The following CD55 variants were observed in gnomAD, a reference collection of about 807,000 sequenced individuals.
CD55 encodes complement decay-accelerating factor.
In CD55, 41 loss-of-function variants were observed where a neutral mutation model predicts 45.8. That is an observed-to-expected ratio of 0.90 (90% confidence interval 0.70 to 1.16). CD55 has a LOEUF of 1.16. CD55 is among the 50% of genes most tolerant of loss of function. The pLI, the probability that CD55 is intolerant of heterozygous loss-of-function variation, is 0.00. For missense variants in CD55, 416 were observed against 469.8 expected, an observed-to-expected ratio of 0.89 and a Z score of 1.06; for synonymous variants, 181 against 181.1, an observed-to-expected ratio of 1.00 and a Z score of 0.01.
chr1:207,327,767 A>G (rs1344416468), intron 5 of CD55, among the ~76,000 whole-genome samples: 1 of 152,178 alleles, frequency 6.6e-6, no homozygotes, highest in African/African-American at 2.4e-5. Context: ...TGTACGGTCA[A>G]CTGACACGAA....
At chr1:207,328,325 C>T (rs1277786604) in intron 5 of CD55, among the ~76,000 whole-genome samples, 1 of 152,180 alleles carries the variant, frequency 6.6e-6, no homozygotes, top group Non-Finnish European at 1.5e-5. Flanking sequence ...CCTATAAGGC[C>T]TTACTTCTTT....
At chr1:207,354,434 C>T (rs1376240191) in intron 9 of CD55, among the ~76,000 whole-genome samples, 1 of 152,178 alleles carries the variant, frequency 6.6e-6, no homozygotes, top group Non-Finnish European at 1.5e-5. Flanking sequence ...TGGCAAACTG[C>T]TTTGCAATGT....
chr1:207,347,361 G>A lies in CD55; in HGVS notation c.1081+7944G>A, dbSNP rs1030233472. On this transcript the variant is annotated intron_variant, in intron 9 of 9. Coordinates refer to ENST00000367064, the MANE Select transcript of CD55 (RefSeq NM_000574.5). Reference sequence around the variant, plus strand: ...TGCAAGCTCTGCCTCCCGGGTTCACGCCATTCTCCTGCCTCAGCCTCCCAA... The same window carrying A: ...TGCAAGCTCTGCCTCCCGGGTTCACACCATTCTCCTGCCTCAGCCTCCCAA... 66 of 369,482 alleles carry A rather than the reference G, an allele frequency of 1.8e-4. 2 individuals are homozygous for A. In the East Asian group the frequency reaches 2.7e-3, roughly 15 times the overall value. 22.9% of individuals were successfully genotyped at this position (369,482 alleles called of 1,614,324 possible).
chr1:207,322,403 A>T lies in CD55; in HGVS notation c.122A>T (p.Asp41Val), dbSNP rs1451157722. 2 of 1,614,074 alleles carry T rather than the reference A, an allele frequency of 1.2e-6. No individual in the cohort carries two copies. Among genetic ancestry groups the T allele is most frequent in the South Asian group, 2.2e-5 (2 of 91,074 alleles). The change falls in exon 2 of 10, where the codon GAT becomes GTT. Residue 41 changes from aspartate (D) to valine (V), a missense_variant. Asp to Val is a radical substitution (Grantham distance 152). Transcript: ENST00000367064. ...AVWGDCGLPP[D>V]VPNAQPALEG... ...CTAGGTGACTGTGGCCTTCCCCCAG[A>T]TGTACCTAATGCCCAGCCAGCTTTG...
At chr1:207,337,899 T>C (rs1297778802) in intron 8 of CD55, among the ~76,000 whole-genome samples, 2 of 152,146 alleles carry the variant, frequency 1.3e-5, no homozygotes, top group East Asian at 3.8e-4. Flanking sequence ...TCCTTTCAAA[T>C]AGTTCGTATT....
At chr1:207,346,178 T>C (rs1588143) in intron 9 of CD55, among the ~76,000 whole-genome samples, 1 of 152,092 alleles carries the variant, frequency 6.6e-6, no homozygotes, top group Non-Finnish European at 1.5e-5. Context: ...TGTGCCAGTG[T>C]TGGCTGTGGG....
chr1:207,340,423 T>C (rs2102414534), intron 9 of CD55: 1 of 583,824 alleles, frequency 1.7e-6, no homozygotes, highest in South Asian at 2.0e-5. Flanking sequence ...TGGTATGCGG[T>C]GGTGTGATCG....
At chr1:207,325,546 C>A in intron 3 of CD55, 76 bp from the exon 4 acceptor site, 1 of 780,560 alleles carries the variant, frequency 1.3e-6, no homozygotes, top group South Asian at 1.8e-5. Flanking sequence ...ACATATCTAC[C>A]ACCTCACATA....
chr1:207,342,396 C>T (rs190232355), intron 9 of CD55, among the ~76,000 whole-genome samples: 153 of 152,200 alleles, frequency 1.0e-3, no homozygotes, highest in Non-Finnish European at 1.8e-3. Flanking sequence ...AGAAGAAAGG[C>T]TTTCAGCTTT....
At chr1:207,350,900 G>A (rs1032230419) in intron 9 of CD55, among the ~76,000 whole-genome samples, 1 of 151,630 alleles carries the variant, frequency 6.6e-6, no homozygotes, top group Non-Finnish European at 1.5e-5. Flanking sequence ...CTTTTGGGTT[G>A]GTTTGCTCTT....
At chr1:207,336,873 C>T in intron 7 of CD55, 55 bp downstream of exon 7, 2 of 1,603,770 alleles carry the variant, frequency 1.2e-6, no homozygotes, top group Non-Finnish European at 1.7e-6. Flanking sequence ...GTTTCAGCTA[C>T]AAGAACCCCA....
At chr1:207,326,576 C>T (rs999666357) in intron 4 of CD55, among the ~76,000 whole-genome samples, 176 bp from the exon 5 acceptor site, 2 of 152,146 alleles carry the variant, frequency 1.3e-5, no homozygotes, top group East Asian at 1.9e-4. Flanking sequence ...TTGGATGTCA[C>T]GTTTTTAAAC....
Position 207,359,757 on chromosome 1 carries a change from A to G in CD55, c.*147A>G. 9.0e-7 allele frequency: 1 copy of G among 1,108,540 alleles called. No homozygotes were observed. Among genetic ancestry groups the G allele is most frequent in the South Asian group, 2.3e-5 (1 of 43,584 alleles). The allele number at this position is 1,108,540 out of a possible 1,614,324, so 68.7% of individuals were successfully genotyped here. ...TCTTTAAGATGTGTTAGGAATGTCAACAGAGCAAGGAGAAAAAAGGCAGTC... is the reference window on the plus strand; with the variant it reads ...TCTTTAAGATGTGTTAGGAATGTCAGCAGAGCAAGGAGAAAAAAGGCAGTC... On this transcript the variant is annotated 3_prime_UTR_variant, in exon 10 of 10. Coordinates refer to ENST00000367064, the MANE Select transcript of CD55 (RefSeq NM_000574.5).
chr1:207,321,739 C>A lies in CD55; in HGVS notation c.-27C>A. 1 of 1,476,492 alleles carries A rather than the reference C, an allele frequency of 6.8e-7. No individual in the cohort carries two copies. Among genetic ancestry groups the A allele is most frequent in the Admixed American group, 2.3e-5 (1 of 43,232 alleles). 91.5% of individuals were successfully genotyped at this position (1,476,492 alleles called of 1,614,324 possible). On this transcript the variant is annotated 5_prime_UTR_variant, in exon 1 of 10. Coordinates refer to ENST00000367064, the MANE Select transcript of CD55 (RefSeq NM_000574.5). ...CTGCGACTCGGCGGAGTCCCGGCGG[C>A]GCGTCCTTGTTCTAACCCGGCGCGC...
chr1:207,349,946 G>T (rs1051364713), intron 9 of CD55, among the ~76,000 whole-genome samples: 3 of 152,164 alleles, frequency 2.0e-5, no homozygotes, highest in African/African-American at 7.2e-5. Context: ...TGGTTTTCAA[G>T]GTGAATGCTT....
chr1:207,322,088 G>A (rs1654438023), intron 1 of CD55: 5 of 616,916 alleles, frequency 8.1e-6, no homozygotes, highest in African/African-American at 1.8e-5. Context: ...CGGCGTGGAG[G>A]GTTAAAGAGG....
rs758644911 is a variant in CD55 at position 207,339,403 on chromosome 1, C to T, written c.1067C>T (p.Thr356Ile). 9.3e-6 allele frequency: 15 copies of T among 1,606,528 alleles called. No individual in the cohort carries two copies. The African/African-American group carries it at 2.0e-4, about 22-fold the overall frequency. The part of the protein sequence containing the change: ...NKGSGTTSGT[T>I]RLLSGHTCFT... ...TTTTCCCCTTCGTCTGTAGGTACTA[C>T]CCGTCTTCTATCTGGTAAGTTTGGC... The change falls in exon 9 of 10, where the codon ACC becomes ATC. Residue 356 changes from threonine (T) to isoleucine (I), a missense_variant. Physicochemically the swap from Thr to Ile is moderately conservative, Grantham distance 89 (BLOSUM62 -1). Coordinates refer to ENST00000367064, the MANE Select transcript of CD55 (RefSeq NM_000574.5).
rs1311667458 is a variant in CD55 at position 207,321,754 on chromosome 1, AC to A, written c.-9del. ...GTCCCGGCGGCGCGTCCTTGTTCTA[AC>A]CCGGCGCGCCATGACCGTCGCGCGG... On this transcript the variant is annotated 5_prime_UTR_variant, in exon 1 of 10. Coordinates refer to ENST00000367064, the MANE Select transcript of CD55 (RefSeq NM_000574.5). 1.3e-6 allele frequency: 2 copies of A among 1,507,004 alleles called. No homozygotes were observed. Among genetic ancestry groups the A allele is most frequent in the Non-Finnish European group, 8.8e-7 (1 of 1,134,594 alleles). 93.4% of individuals were successfully genotyped at this position (1,507,004 alleles called of 1,614,324 possible).
At chr1:207,359,065 T>G (rs965538105) in intron 9 of CD55, among the ~76,000 whole-genome samples, 1 of 152,186 alleles carries the variant, frequency 6.6e-6, no homozygotes, top group African/African-American at 2.4e-5. Flanking sequence ...TATCCTTTTA[T>G]AGGTCATGTT....
Sources: gnomAD v4.1 joint callset for allele counts (sites outside exome capture counted in the v4.1 genomes callset) on GRCh38, gnomAD v4.1.1 for gene constraint, MANE v1.5 for transcripts, NCBI Gene and HGNC (gene_info 2026-07-23, HGNC 2026-07-21) for gene names.